The following CD96 variants were observed in gnomAD, a reference collection of about 807,000 sequenced individuals.
The protein encoded by CD96 is CD96 molecule, also known as T-cell surface protein tactile.
Under a neutral mutation model 71.3 loss-of-function variants are expected in CD96, and 70 were observed. The ratio of observed to expected loss-of-function variants is 0.98; its 90% CI spans 0.81 to 1.20. CD96 has a LOEUF of 1.20. Ranked by LOEUF, CD96 falls within the 50% of genes most tolerant of loss-of-function variation. The pLI is 0.00. For synonymous variants in CD96, 248 were observed against 233.0 expected, an observed-to-expected ratio of 1.06 and a Z score of -0.59; for missense variants, 742 against 677.5, an observed-to-expected ratio of 1.10 and a Z score of -1.06.
At chr3:111,570,648 G>A in intron 3 of CD96, 1 of 1,606,510 alleles carries the variant, frequency 6.2e-7, no homozygotes, top group Non-Finnish European at 8.5e-7. Flanking sequence ...CACGTACATG[G>A]CCCGGGACAT....
intron 5 of CD96, among the ~76,000 whole-genome samples, chr3:111,585,790 T>C (rs1936687207): frequency 6.6e-6 from 1 of 152,106 alleles, no homozygotes; most frequent in Non-Finnish European, 1.5e-5. Flanking sequence ...TTGTTTTTAT[T>C]TCAAAGTGAC....
chr3:111,625,424 A>C (rs991926898), intron 10 of CD96, among the ~76,000 whole-genome samples: 10 of 152,200 alleles, frequency 6.6e-5, no homozygotes, highest in Admixed American at 2.0e-4. Flanking sequence ...CAAATATAAG[A>C]ATTGAAAAGA....
Position 111,579,252 on chromosome 3 carries a change from A to G in CD96, c.751+18A>G, listed in dbSNP as rs1559732833. On this transcript the variant is annotated intron_variant, in intron 4 of 13. Transcript: ENST00000352690. ...GGTTTTTGGTAAGGGCTTTTGTTCT[A>G]CAGACTCACTGGCATCCTCCTGTCT... is the stretch of plus-strand genomic sequence containing the variant. 14 of 1,359,630 alleles carry G rather than the reference A, an allele frequency of 1.0e-5. No homozygotes were observed. The highest frequency in any genetic ancestry group is 1.5e-5 in the Non-Finnish European group (14 of 947,442). The allele number at this position is 1,359,630 out of a possible 1,614,324, so 84.2% of individuals were successfully genotyped here. A position where few individuals can be genotyped will look rare whatever the true frequency, so the allele number is the denominator to read the frequency against.
chr3:111,658,517 A>T (rs1940284508), intron 14 of CD96, among the ~76,000 whole-genome samples: 2 of 152,222 alleles, frequency 1.3e-5, no homozygotes, highest in Non-Finnish European at 1.5e-5. Flanking sequence ...AGTTGAGGAA[A>T]TTTTGATGAA....
In CD96 at chr3:111,624,978, C is replaced by T. The variant is rs556128889; in HGVS notation, c.1321+574C>T. ...ATTGCCTCTTAGTGGTATTAGACAA[C>T]GATCAGTGTGGTGGGGAAGTGGTAA... On this transcript the variant is annotated intron_variant, in intron 10 of 13. Coordinates refer to ENST00000352690, the MANE Select transcript of CD96 (RefSeq NM_005816.5). 1.4e-4 allele frequency among the ~76,000 whole-genome samples: 22 copies of T among 152,254 alleles called. 1 individual carries two copies. The highest frequency in any genetic ancestry group is 3.4e-3 in the Middle Eastern group (1 of 294).
intron 8 of CD96, among the ~76,000 whole-genome samples, chr3:111,615,134 C>A (rs1471703103): frequency 6.6e-6 from 1 of 152,160 alleles, no homozygotes; most frequent in Non-Finnish European, 1.5e-5. Flanking sequence ...AATGAAGGTA[C>A]AAGTATTCCA....
chr3:111,609,591 A>C (rs1031837624), intron 8 of CD96, among the ~76,000 whole-genome samples: 7 of 152,332 alleles, frequency 4.6e-5, no homozygotes, highest in African/African-American at 1.7e-4. Context: ...TCTGTGACAA[A>C]ATTCAAAGCA....
chr3:111,587,727 C>T (rs1165287431), intron 5 of CD96, among the ~76,000 whole-genome samples: 1 of 152,196 alleles, frequency 6.6e-6, no homozygotes, highest in African/African-American at 2.4e-5. Flanking sequence ...GCAGAGGTTC[C>T]CAAACCTCAA....
At chr3:111,580,447 T>G (rs562733824) in intron 4 of CD96, among the ~76,000 whole-genome samples, 1 of 95,868 alleles carries the variant, frequency 1.0e-5, no homozygotes, top group East Asian at 4.4e-4. Context: ...AGAAAAGCAG[T>G]GAGGTGGATA....
chr3:111,550,182 T>C (rs558993451), intron 2 of CD96, among the ~76,000 whole-genome samples: 1 of 152,296 alleles, frequency 6.6e-6, no homozygotes, highest in African/African-American at 2.4e-5. Context: ...TCTAAGAAGA[T>C]AAAATAGTTA....
intron 8 of CD96, among the ~76,000 whole-genome samples, chr3:111,615,660 T>C (rs1480889672): frequency 6.6e-6 from 1 of 152,104 alleles, no homozygotes; most frequent in Non-Finnish European, 1.5e-5. Flanking sequence ...AAGCAAATAA[T>C]CTAGGTTTAG....
At chr3:111,631,827 A>T (rs1939078097) in intron 10 of CD96, among the ~76,000 whole-genome samples, 1 of 152,158 alleles carries the variant, frequency 6.6e-6, no homozygotes, top group Admixed American at 6.5e-5. Context: ...AAGACTACAC[A>T]CCTACAACTA....
At chr3:111,566,023 T>G (rs1935693377) in intron 2 of CD96, among the ~76,000 whole-genome samples, 1 of 148,898 alleles carries the variant, frequency 6.7e-6, no homozygotes, top group African/African-American at 2.4e-5. Flanking sequence ...TATATTTATA[T>G]ATATATTTAT....
chr3:111,593,772 C>T (rs1472709399), intron 5 of CD96: 2 of 1,614,100 alleles, frequency 1.2e-6, no homozygotes, highest in African/African-American at 1.3e-5. Context: ...CCCACCTGCT[C>T]CAGGAGCCTA....
chr3:111,587,460 G>T (rs1379833244), intron 5 of CD96, among the ~76,000 whole-genome samples: 1 of 151,700 alleles, frequency 6.6e-6, no homozygotes, highest in Non-Finnish European at 1.5e-5. Flanking sequence ...CTGCTTTCAT[G>T]GTCTGATGAT....
At chr3:111,615,585 T>G (rs1484028403) in intron 8 of CD96, among the ~76,000 whole-genome samples, 2 of 151,972 alleles carry the variant, frequency 1.3e-5, no homozygotes, top group Non-Finnish European at 2.9e-5. Context: ...GTCTAAGGGG[T>G]GTGTGTGTAT....
intron 7 of CD96, 42 bp downstream of exon 7, chr3:111,600,956 A>T (rs751598654): frequency 8.0e-7 from 1 of 1,248,184 alleles, no homozygotes; most frequent in Admixed American, 1.7e-5. Context: ...GTTTGCTAAG[A>T]CTGCCATAAA....
chr3:111,651,575 G>C lies in CD96; in HGVS notation c.*1769G>C, dbSNP rs1940079273. ...CCCATGCCATGAAGACACCAAGGCA[G>C]CCCTATTGAGAAATCTACCTGTCGT... On this transcript the variant is annotated 3_prime_UTR_variant, in exon 14 of 14. Coordinates refer to ENST00000352690, the MANE Select transcript of CD96 (RefSeq NM_005816.5). The C allele has an allele frequency of 6.6e-6, 1 of 152,470 alleles. No homozygotes were observed. The allele number at this position is 152,470 out of a possible 1,614,324, so 9.4% of individuals were successfully genotyped here.
At position 111,618,862 on chromosome 3, in the gene CD96, C is replaced by T. The variant is rs930310537; in HGVS notation, c.1181-4892C>T. On this transcript the variant is annotated intron_variant, in intron 8 of 13. Coordinates refer to ENST00000352690, the MANE Select transcript of CD96 (RefSeq NM_005816.5). The stretch of plus-strand genomic sequence containing the variant: ...CTGGGATTACAGGCATGAGCCACTG[C>T]GCCCGGCCTCGCTTTTTTTTTAAGT... Among the ~76,000 whole-genome samples, 8 of 152,164 alleles carry T rather than the reference C, an allele frequency of 5.3e-5. No individual in the cohort carries two copies. The South Asian group carries it at 8.3e-4, about 16-fold the overall frequency.
Sources: gnomAD v4.1 joint callset for allele counts (sites outside exome capture counted in the v4.1 genomes callset) on GRCh38, gnomAD v4.1.1 for gene constraint, MANE v1.5 for transcripts, NCBI Gene and HGNC (gene_info 2026-07-23, HGNC 2026-07-21) for gene names.